Variants in RGS7 observed in about 807,000 individuals in gnomAD.
RGS7 encodes the protein regulator of G-protein signaling 7.
RGS7 carries 27 observed loss-of-function variants against 81.1 expected under a neutral mutation model. That is an observed-to-expected ratio of 0.33 (90% CI 0.25 to 0.46). RGS7 has a LOEUF of 0.46. Among genes scored for constraint, RGS7 ranks in the 20% least tolerant of loss-of-function variants. RGS7 has a pLI of 1.00. For synonymous variants in RGS7, 208 were observed against 207.7 expected (o/e 1.00, Z -0.01); for missense variants, 396 against 607.4 (o/e 0.65, Z 3.66).
At chr1:241,155,569 GA>G (rs1558136193) in intron 2 of RGS7, among the ~76,000 whole-genome samples, 1 of 84,592 alleles carries the variant, frequency 1.2e-5, no homozygotes, top group African/African-American at 6.1e-5. Context: ...ATGCTCACTT[GA>G]AAAAAAGAAA....
intron 2 of RGS7, among the ~76,000 whole-genome samples, chr1:241,263,672 A>G (rs1450929808): frequency 6.6e-6 from 1 of 152,210 alleles, no homozygotes. Context: ...TGATCATTAT[A>G]CACAATTTAT....
chr1:240,971,423 A>T (rs1242688859), intron 4 of RGS7, among the ~76,000 whole-genome samples: 1 of 152,212 alleles, frequency 6.6e-6, no homozygotes, highest in Non-Finnish European at 1.5e-5. Flanking sequence ...AGCTCCTAAT[A>T]CGCTGAAATG....
chr1:240,802,071 G>A (rs1271352954), intron 16 of RGS7, among the ~76,000 whole-genome samples: 1 of 152,110 alleles, frequency 6.6e-6, no homozygotes, highest in African/African-American at 2.4e-5. Context: ...AGTGACTGCT[G>A]TACTGGATAG....
chr1:240,892,143 A>G (rs1157042388), intron 6 of RGS7, among the ~76,000 whole-genome samples: 7 of 152,220 alleles, frequency 4.6e-5, no homozygotes, highest in Non-Finnish European at 8.8e-5. Flanking sequence ...AATGCATCAT[A>G]TAACTCTATG....
At chr1:241,341,813 G>A (rs2082565839) in intron 2 of RGS7, among the ~76,000 whole-genome samples, 1 of 150,926 alleles carries the variant, frequency 6.6e-6, no homozygotes, top group South Asian at 2.1e-4. Flanking sequence ...TATACAGCTG[G>A]TTAGCGAGAG....
At chr1:241,142,297 A>G (rs2067981884) in intron 2 of RGS7, among the ~76,000 whole-genome samples, 1 of 152,168 alleles carries the variant, frequency 6.6e-6, no homozygotes. Flanking sequence ...CCACTAGGCA[A>G]GGCCCCAGTA....
At chr1:241,327,134 G>GAA (rs1416030159) in intron 2 of RGS7, among the ~76,000 whole-genome samples, 3 of 100,638 alleles carry the variant, frequency 3.0e-5, no homozygotes, top group Non-Finnish European at 6.8e-5. Context: ...AAGAAAGAAA[G>GAA]AAAGAAAGAA....
chr1:240,868,573 C>T lies in RGS7; in HGVS notation c.609+14G>A, dbSNP rs759744294. On this transcript the variant is annotated intron_variant, in intron 9 of 18. Coordinates refer to ENST00000440928, the MANE Select transcript of RGS7 (RefSeq NM_001364886.1). This position sits in a 1 kb window ranked among gnomAD's most constrained non-coding sequence, Gnocchi z 5.1. ...AGAAGATGGATTCAAGACGAGAGTG[C>T]GACGCTTGCTTACCACGGGCCTGTG... is the stretch of plus-strand genomic sequence containing the variant. 18 of 1,612,394 alleles carry T rather than the reference C, an allele frequency of 1.1e-5. No individual in the cohort carries two copies. Among genetic ancestry groups the T allele is most frequent in the Admixed American group, 6.7e-5 (4 of 59,998 alleles).
At chr1:240,960,217 C>CTTTTTTTTTTTTTTTTTTTTTTTT (rs750366747) in intron 4 of RGS7, among the ~76,000 whole-genome samples, 1 of 8,952 alleles carries the variant, frequency 1.1e-4, no homozygotes, top group Non-Finnish European at 2.0e-4. Context: ...TCTTCTTCTT[C>CTTTTTTTTTTTTTTTTTTTTTTTT]TTTTTTTTTT....
rs577354090 is a variant in RGS7 at position 241,235,756 on chromosome 1, TC to T, written c.78+119942del. Among the ~76,000 whole-genome samples the T allele has an allele frequency of 9.6e-4, 146 of 151,742 alleles. 1 individual carries two copies. Among genetic ancestry groups the T allele is most frequent in the East Asian group, 5.0e-3 (26 of 5,160 alleles). ...CCTTCTCTTTCTCTCTCTCTCTCTC[TC>T]TTCACTCCTTTCCACCATTATTTTT... On this transcript the variant is annotated intron_variant, in intron 2 of 18. Coordinates refer to ENST00000440928, the MANE Select transcript of RGS7 (RefSeq NM_001364886.1).
intron 3 of RGS7, among the ~76,000 whole-genome samples, chr1:241,018,375 G>A (rs548159427): frequency 1.3e-5 from 2 of 152,132 alleles, no homozygotes; most frequent in African/African-American, 4.8e-5. Flanking sequence ...TCAGGTAAAA[G>A]GGACTCAGGT....
chr1:240,904,876 T>C (rs997735112), intron 6 of RGS7, among the ~76,000 whole-genome samples: 2 of 152,184 alleles, frequency 1.3e-5, no homozygotes, highest in African/African-American at 4.8e-5. Context: ...TGCATGGTAT[T>C]TTCAATGCTC....
intron 2 of RGS7, among the ~76,000 whole-genome samples, chr1:241,276,598 C>T (rs1045183931): frequency 5.3e-5 from 8 of 152,164 alleles, no homozygotes; most frequent in African/African-American, 1.9e-4. Flanking sequence ...CTGCAAGCAT[C>T]CTCTTTTGTT....
At chr1:241,253,599 C>T (rs749128348) in intron 2 of RGS7, among the ~76,000 whole-genome samples, 6 of 152,142 alleles carry the variant, frequency 3.9e-5, no homozygotes, top group African/African-American at 9.7e-5. Context: ...TAAATGACAG[C>T]AGGCAGTAGA....
rs1465430558 is a variant in RGS7 at position 240,803,000 on chromosome 1, A to G, written c.1270-7T>C. Reference sequence around the variant, plus strand: ...TCAGTTTGTAAATGTGCTCCTAAAAAGAAATAATGGTTGAGGTGCTTCTTT... The same window carrying G: ...TCAGTTTGTAAATGTGCTCCTAAAAGGAAATAATGGTTGAGGTGCTTCTTT... On this transcript the variant is annotated splice_region_variant and splice_polypyrimidine_tract_variant and intron_variant, in intron 15 of 18. Coordinates refer to ENST00000440928, the MANE Select transcript of RGS7 (RefSeq NM_001364886.1). 1.3e-5 allele frequency: 20 copies of G among 1,576,766 alleles called. No homozygotes were observed. Among genetic ancestry groups the G allele is most frequent in the Non-Finnish European group, 1.6e-5 (18 of 1,146,328 alleles).
At chr1:241,182,822 G>A (rs541072897) in intron 2 of RGS7, among the ~76,000 whole-genome samples, 3 of 101,378 alleles carry the variant, frequency 3.0e-5, no homozygotes, top group African/African-American at 8.7e-5. Flanking sequence ...TTAATTTTTC[G>A]GTTTTTGTTT....
intron 2 of RGS7, among the ~76,000 whole-genome samples, chr1:241,176,263 G>C (rs1414228232): frequency 6.6e-6 from 1 of 152,186 alleles, no homozygotes; most frequent in Non-Finnish European, 1.5e-5. Flanking sequence ...ATAGGATCGA[G>C]AAGCATAGAA....
Position 241,163,673 on chromosome 1 carries a change from C to T in RGS7, c.79-64911G>A, listed in dbSNP as rs1356588252. 6.6e-6 allele frequency among the ~76,000 whole-genome samples: 1 copy of T among 152,210 alleles called. No homozygotes were observed. Among genetic ancestry groups the T allele is most frequent in the African/African-American group, 2.4e-5 (1 of 41,458 alleles). ...CCCATAATCACAACCTGTTTTGCCA[C>T]AATCCAAGCCCCCATTCTTTCTGCA... On this transcript the variant is annotated intron_variant, in intron 2 of 18. Transcript: ENST00000440928. The surrounding 1 kb of genome is among the most constrained non-coding windows in gnomAD (Gnocchi z 4.6).
intron 2 of RGS7, among the ~76,000 whole-genome samples, chr1:241,195,719 T>C (rs954040969): frequency 2.0e-5 from 3 of 152,006 alleles, no homozygotes; most frequent in Non-Finnish European, 4.4e-5. Context: ...TACAGATAGA[T>C]GTAACAATAA....
Sources: gnomAD v4.1 joint callset for allele counts (sites outside exome capture counted in the v4.1 genomes callset) on GRCh38, gnomAD v4.1.1 for gene constraint, Gnocchi (gnomAD v3.1) non-coding constraint, MANE v1.5 for transcripts, NCBI Gene and HGNC (gene_info 2026-07-23, HGNC 2026-07-21) for gene names.